The following CNTNAP4 variants were observed in gnomAD, a reference collection of about 807,000 sequenced individuals.
CNTNAP4 encodes contactin associated protein family member 4.
CNTNAP4 carries 98 observed loss-of-function variants against 148.4 expected under a neutral mutation model. The ratio of observed to expected loss-of-function variants is 0.66; its 90% CI spans 0.56 to 0.78. CNTNAP4 has a LOEUF of 0.78. Among genes scored for constraint, CNTNAP4 ranks in the 30% least tolerant of loss-of-function variants. CNTNAP4 has a pLI of 0.00. For missense variants in CNTNAP4, 1,935 were observed against 1,565.6 expected, an observed-to-expected ratio of 1.24 and a Z score of -3.98; for synonymous variants, 730 against 565.1, an observed-to-expected ratio of 1.29 and a Z score of -4.14.
At chr16:76,295,226 G>A (rs1959205127) in intron 1 of CNTNAP4, among the ~76,000 whole-genome samples, 3 of 152,184 alleles carry the variant, frequency 2.0e-5, no homozygotes, top group South Asian at 4.1e-4. Context: ...AGGAAAGAAG[G>A]CGGAAACACA....
intron 4 of CNTNAP4, among the ~76,000 whole-genome samples, chr16:76,438,221 C>T (rs1014840037): frequency 2.6e-5 from 4 of 152,102 alleles, no homozygotes; most frequent in Non-Finnish European, 4.4e-5. Flanking sequence ...CTCCTGCAGA[C>T]ACATTTCCCT....
intron 3 of CNTNAP4, among the ~76,000 whole-genome samples, chr16:76,421,655 C>T (rs2079194697): frequency 6.6e-6 from 1 of 151,402 alleles, no homozygotes; most frequent in Non-Finnish European, 1.5e-5. Flanking sequence ...TATTTGACAG[C>T]ATGTTGCTAT....
intron 3 of CNTNAP4, among the ~76,000 whole-genome samples, chr16:76,386,531 G>A (rs945761090): frequency 6.6e-6 from 1 of 152,156 alleles, no homozygotes; most frequent in Non-Finnish European, 1.5e-5. Context: ...AGCAGTGAGA[G>A]CTGTGTGATA....
intron 11 of CNTNAP4, 90 bp downstream of exon 11, chr16:76,476,135 C>T (rs1445522245): frequency 2.4e-6 from 2 of 839,564 alleles, no homozygotes; most frequent in South Asian, 3.2e-5. Flanking sequence ...TATGTCTGTT[C>T]TGTGCAAACT....
At position 76,373,767 on chromosome 16, in the gene CNTNAP4, C is replaced by T. The variant is rs375676476; in HGVS notation, c.390+18256C>T. 2.8e-3 allele frequency among the ~76,000 whole-genome samples: 425 copies of T among 151,796 alleles called. 1 individual carries two copies. The highest frequency in any genetic ancestry group is 9.6e-3 in the African/African-American group (396 of 41,368). Reference sequence around the variant, plus strand: ...AAAATTAGCCAGGCATGGTGGCAGGCGCCTGTAATCCCAGCTACTTGGGAG... The same window carrying T: ...AAAATTAGCCAGGCATGGTGGCAGGTGCCTGTAATCCCAGCTACTTGGGAG... On this transcript the variant is annotated intron_variant, in intron 3 of 23. Coordinates refer to ENST00000611870, the MANE Select transcript of CNTNAP4 (RefSeq NM_033401.5).
intron 10 of CNTNAP4, among the ~76,000 whole-genome samples, chr16:76,474,462 A>G (rs1432915287): frequency 6.6e-6 from 1 of 152,202 alleles, no homozygotes; most frequent in Admixed American, 6.5e-5. Flanking sequence ...AGTCCTTATA[A>G]TAAGGAAAAA....
intron 12 of CNTNAP4, among the ~76,000 whole-genome samples, chr16:76,484,469 A>AC (rs2081954337): frequency 6.6e-6 from 1 of 152,186 alleles, no homozygotes. Flanking sequence ...GAATATTGGA[A>AC]CATATTCAAA....
chr16:76,345,096 C>T (rs931950464), intron 2 of CNTNAP4, among the ~76,000 whole-genome samples: 2 of 152,190 alleles, frequency 1.3e-5, no homozygotes, highest in Admixed American at 6.5e-5. Context: ...GGCAAAGACA[C>T]CTTTTACTGA....
At chr16:76,333,804 T>G (rs1297637332) in intron 2 of CNTNAP4, among the ~76,000 whole-genome samples, 1 of 133,398 alleles carries the variant, frequency 7.5e-6, no homozygotes, top group Non-Finnish European at 1.6e-5. Context: ...TTTTTTTTTT[T>G]GGTGACTTTT....
In CNTNAP4 at chr16:76,457,795, C is replaced by CT. The variant is rs1374046545; in HGVS notation, c.1334-4156dup. 2.4e-4 allele frequency among the ~76,000 whole-genome samples: 31 copies of CT among 131,412 alleles called. 1 individual carries two copies. The highest frequency in any genetic ancestry group is 4.0e-4 in the Non-Finnish European group (23 of 57,372). The allele number at this position is 131,412 out of a possible 152,430, so 86.2% of individuals were successfully genotyped here. The stretch of plus-strand genomic sequence containing the variant: ...TATGTCTTATTTATTTGTTATTTTA[C>CT]TTTTTATTTTTTTTTAATTTTAGAT... On this transcript the variant is annotated intron_variant, in intron 8 of 23. Coordinates refer to ENST00000611870, the MANE Select transcript of CNTNAP4 (RefSeq NM_033401.5).
At chr16:76,532,133 C>G (rs1263221764) in intron 17 of CNTNAP4, among the ~76,000 whole-genome samples, 2 of 152,136 alleles carry the variant, frequency 1.3e-5, no homozygotes, top group African/African-American at 4.8e-5. Context: ...TAGTTTCATA[C>G]CTTCAGTGCC....
intron 17 of CNTNAP4, among the ~76,000 whole-genome samples, chr16:76,524,600 T>G (rs1214108797): frequency 1.3e-5 from 2 of 152,178 alleles, no homozygotes; most frequent in African/African-American, 4.8e-5. Flanking sequence ...AATGAAGCAC[T>G]AGTATGTCAT....
intron 3 of CNTNAP4, among the ~76,000 whole-genome samples, chr16:76,402,011 G>A (rs948175040): frequency 6.6e-6 from 1 of 152,062 alleles, no homozygotes; most frequent in Non-Finnish European, 1.5e-5. Flanking sequence ...TTCTATTTTT[G>A]TTGTATCTCT....
At chr16:76,303,974 A>AACTTTTATTCAGTTC (rs763521985) in intron 1 of CNTNAP4, among the ~76,000 whole-genome samples, 1 of 152,148 alleles carries the variant, frequency 6.6e-6, no homozygotes, top group African/African-American at 2.4e-5. Flanking sequence ...ATATCTACAA[A>AACTTTTATTCAGTTC]ACTTTTATTC....
rs370704421 is a variant in CNTNAP4 at position 76,421,003 on chromosome 16, A to G, written c.391-6449A>G. 2.6e-5 allele frequency among the ~76,000 whole-genome samples: 4 copies of G among 152,060 alleles called. No individual in the cohort carries two copies. The East Asian group carries it at 5.8e-4, about 22-fold the overall frequency. ...AATGTAAGCTTTATGACTTGTCCAC[A>G]TATCTCTCATAAAACAATTTATTGC... is the stretch of plus-strand genomic sequence containing the variant. On this transcript the variant is annotated intron_variant, in intron 3 of 23. Coordinates refer to ENST00000611870, the MANE Select transcript of CNTNAP4 (RefSeq NM_033401.5).
intron 1 of CNTNAP4, among the ~76,000 whole-genome samples, chr16:76,302,618 T>C (rs1428760): frequency 0.28 from 42,148 of 152,040 alleles, 6,501 homozygotes; most frequent in Non-Finnish European, 0.35. Flanking sequence ...TAATACCCTT[T>C]TTAGGTAATT....
At chr16:76,338,480 C>T (rs1385015661) in intron 2 of CNTNAP4, among the ~76,000 whole-genome samples, 1 of 152,132 alleles carries the variant, frequency 6.6e-6, no homozygotes, top group Non-Finnish European at 1.5e-5. Flanking sequence ...GCTTGGAAGG[C>T]TCCAATCCTT....
chr16:76,517,823 C>T lies in CNTNAP4; in HGVS notation c.2366-3317C>T, dbSNP rs149361300. 4.7e-3 allele frequency among the ~76,000 whole-genome samples: 711 copies of T among 152,266 alleles called. 5 individuals are homozygous for T. The highest frequency in any genetic ancestry group is 0.017 in the African/African-American group (687 of 41,546). On this transcript the variant is annotated intron_variant, in intron 15 of 23. Coordinates refer to ENST00000611870, the MANE Select transcript of CNTNAP4 (RefSeq NM_033401.5). ...ACCCCTCTGAGCCGCTGCTCTCCCTCGATCGCTCCATCTCCCTAACCCTGG... is the reference window on the plus strand; with the variant it reads ...ACCCCTCTGAGCCGCTGCTCTCCCTTGATCGCTCCATCTCCCTAACCCTGG...
chr16:76,395,401 G>A (rs1181428531), intron 3 of CNTNAP4, among the ~76,000 whole-genome samples: 1 of 151,742 alleles, frequency 6.6e-6, no homozygotes, highest in Non-Finnish European at 1.5e-5. Flanking sequence ...GAGTAGCTGG[G>A]ATTACAGGCA....
Sources: allele counts gnomAD v4.1 joint callset (sites outside exome capture counted in the v4.1 genomes callset), GRCh38; gene constraint gnomAD v4.1.1; transcripts MANE v1.5; gene names NCBI Gene and HGNC (gene_info 2026-07-23, HGNC 2026-07-21).